PRDM15: variants seen among roughly 807,000 people sequenced by gnomAD.
PRDM15 encodes PR domain zinc finger protein 15.
Under a neutral mutation model 128.6 loss-of-function variants are expected in PRDM15, and 64 were observed. The observed-to-expected ratio is 0.50, with a 90% CI of 0.41 to 0.61. The LOEUF is 0.61. Among genes scored for constraint, PRDM15 ranks in the 20% least tolerant of loss-of-function variants. The pLI is 0.00. For missense variants in PRDM15, 1,242 were observed against 1,569.1 expected, an observed-to-expected ratio of 0.79 and a Z score of 3.52; for synonymous variants, 615 against 621.8, an observed-to-expected ratio of 0.99 and a Z score of 0.16.
chr21:41,822,308 G>A (rs933979613), intron 14 of PRDM15, among the ~76,000 whole-genome samples: 1 of 152,200 alleles, frequency 6.6e-6, no homozygotes, highest in Non-Finnish European at 1.5e-5. Flanking sequence ...TGTGCCCAGG[G>A]CCAGGCACTG....
At chr21:41,806,385 C>T (rs1022562104) in intron 21 of PRDM15, among the ~76,000 whole-genome samples, 4 of 17,264 alleles carry the variant, frequency 2.3e-4, no homozygotes, top group African/African-American at 1.0e-3. Flanking sequence ...ACCATCACCA[C>T]CACCACCATC....
chr21:41,878,346 C>G (rs182163281), intron 1 of PRDM15, among the ~76,000 whole-genome samples: 1 of 152,226 alleles, frequency 6.6e-6, no homozygotes, highest in African/African-American at 2.4e-5. Context: ...AATTTCTGAG[C>G]ATTTGTGGGG....
At chr21:41,834,444 G>A in intron 11 of PRDM15, 1 of 1,435,160 alleles carries the variant, frequency 7.0e-7, no homozygotes, top group South Asian at 1.2e-5. Context: ...GAACAACACA[G>A]AGATGCAAGT....
chr21:41,872,612 A>T (rs1053238505), intron 1 of PRDM15, among the ~76,000 whole-genome samples: 1 of 152,232 alleles, frequency 6.6e-6, no homozygotes, highest in Non-Finnish European at 1.5e-5. Context: ...TGATCAGATC[A>T]GGGGAATAAG....
In PRDM15 at chr21:41,862,276, A is replaced by G. The variant is rs1249093091; in HGVS notation, c.-9-1904T>C. ...CACACTGCGGTCAGATCACCGCAGA[A>G]CACAGAGTCCCAACAAAGGTATTGG... On this transcript the variant is annotated intron_variant, in intron 1 of 23. Transcript: ENST00000398548. This position sits in a 1 kb window ranked among gnomAD's most constrained non-coding sequence, Gnocchi z 4.1. Among the ~76,000 whole-genome samples the G allele has an allele frequency of 6.6e-6, 1 of 152,234 alleles. No homozygotes were observed. Among genetic ancestry groups the G allele is most frequent in the Non-Finnish European group, 1.5e-5 (1 of 68,038 alleles).
intron 4 of PRDM15, among the ~76,000 whole-genome samples, chr21:41,856,708 G>A (rs28558254): frequency 0.026 from 3,923 of 152,284 alleles, 73 homozygotes; most frequent in Middle Eastern, 0.061. Flanking sequence ...CTCTCAGTCT[G>A]ATGTGCTTTT....
intron 11 of PRDM15, among the ~76,000 whole-genome samples, chr21:41,831,504 G>A (rs2062690175): frequency 6.6e-6 from 1 of 152,246 alleles, no homozygotes; most frequent in Middle Eastern, 3.2e-3. Flanking sequence ...TCTGGGGTGG[G>A]CCTTGGGCCT....
intron 11 of PRDM15, among the ~76,000 whole-genome samples, chr21:41,830,260 C>T (rs925539416): frequency 1.3e-5 from 2 of 149,522 alleles, no homozygotes; most frequent in East Asian, 2.0e-4. Flanking sequence ...CACACACCCC[C>T]CACACAAATA....
intron 1 of PRDM15, among the ~76,000 whole-genome samples, chr21:41,876,897 G>A (rs532310582): frequency 6.6e-6 from 1 of 152,252 alleles, no homozygotes; most frequent in East Asian, 1.9e-4. Context: ...AGTGATGCCA[G>A]CTCCATTCCC....
intron 13 of PRDM15, among the ~76,000 whole-genome samples, chr21:41,824,637 G>A (rs1165368648): frequency 1.3e-5 from 2 of 152,212 alleles, no homozygotes; most frequent in African/African-American, 4.8e-5. Context: ...CGGGGGATAA[G>A]GGGCACAGGC....
chr21:41,877,333 C>T (rs2064455768), intron 1 of PRDM15: 1 of 152,484 alleles, frequency 6.6e-6, no homozygotes, highest in South Asian at 2.1e-4. Context: ...ACATTAGGTC[C>T]ACCAGGTGCA....
intron 21 of PRDM15, among the ~76,000 whole-genome samples, chr21:41,808,091 T>C (rs576565968): frequency 2.0e-5 from 3 of 152,316 alleles, no homozygotes; most frequent in Admixed American, 1.3e-4. Context: ...AAAAGTGATG[T>C]GCACCGTCTT....
At chr21:41,829,047 T>C (rs1341875660) in intron 11 of PRDM15, among the ~76,000 whole-genome samples, 55 of 116,574 alleles carry the variant, frequency 4.7e-4, no homozygotes, top group Non-Finnish European at 8.0e-4. Context: ...CCCACCCAAA[T>C]GCACAATCAC....
intron 11 of PRDM15, among the ~76,000 whole-genome samples, chr21:41,829,729 A>G (rs2062616595): frequency 1.3e-5 from 2 of 150,934 alleles, no homozygotes; most frequent in South Asian, 2.1e-4. Context: ...CGAGCCCCAC[A>G]TAAATGCACT....
chr21:41,822,021 T>C lies in PRDM15; in HGVS notation c.1778A>G (p.Asp593Gly). ...GATAAACTCTTCCCTCTGGTGGTCATCCATCAACGCGATGTCCTGGAAAAC... is the reference window on the plus strand; with the variant it reads ...GATAAACTCTTCCCTCTGGTGGTCACCCATCAACGCGATGTCCTGGAAAAC... The part of the protein sequence containing the change: ...HVHFKDIALM[D>G]DHQREEFIGK... The change falls in exon 15 of 24, where the codon GAT becomes GGT. Residue 593 changes from aspartate (D) to glycine (G), a missense_variant. Physicochemically the swap from Asp to Gly is moderately conservative, Grantham distance 94 (BLOSUM62 -1). Transcript: ENST00000398548. 4 of 1,614,132 alleles carry C rather than the reference T, an allele frequency of 2.5e-6. No individual in the cohort carries two copies. The highest frequency in any genetic ancestry group is 3.4e-6 in the Non-Finnish European group (4 of 1,180,036).
chr21:41,873,915 A>T (rs955540103), intron 1 of PRDM15, among the ~76,000 whole-genome samples: 14 of 152,038 alleles, frequency 9.2e-5, no homozygotes, highest in Non-Finnish European at 2.9e-5. Flanking sequence ...GCATGGTGGC[A>T]CATGCCTGTA....
rs141653131 is a variant in PRDM15, at chr21:41,857,212, G to A, written c.249C>T (p.Val83=). ...TQFGPFESRR[V]AKWEKESAFP... ...ATGCAGACTCCTTTTCCCATTTGGC[G>A]ACCCTCCTGGACTCAAAGGGACCGA... Residue 83 remains valine (V), a synonymous_variant, in exon 4 of 24, where the codon GTC becomes GTT. Transcript: ENST00000398548. The A allele has an allele frequency of 1.1e-4, 183 of 1,613,638 alleles. 1 individual carries two copies. In the African/African-American group the frequency reaches 2.3e-3, roughly 20 times the overall value.
chr21:41,834,423 C>T, intron 11 of PRDM15: 1 of 1,297,034 alleles, frequency 7.7e-7, no homozygotes, highest in Non-Finnish European at 1.1e-6. Flanking sequence ...GGGCGGGTGG[C>T]ACCTTAACAA....
intron 5 of PRDM15, among the ~76,000 whole-genome samples, chr21:41,850,591 G>T (rs8129475): frequency 0.1 from 15,616 of 151,942 alleles, 841 homozygotes; most frequent in East Asian, 0.23. Flanking sequence ...AAAATTAGCT[G>T]GGTGTGGTGG....
Sources: allele counts gnomAD v4.1 joint callset (sites outside exome capture counted in the v4.1 genomes callset), GRCh38; gene constraint gnomAD v4.1.1; non-coding constraint Gnocchi (gnomAD v3.1); transcripts MANE v1.5; gene names NCBI Gene and HGNC (gene_info 2026-07-23, HGNC 2026-07-21).